SPINDOC: variants seen among roughly 807,000 people sequenced by gnomAD.
SPINDOC encodes the protein spindlin interactor and repressor of chromatin-binding protein.
In SPINDOC, 13 loss-of-function variants were observed where a neutral mutation model predicts 30.7. The observed-to-expected ratio is 0.42, with a 90% CI of 0.28 to 0.67. The LOEUF (loss-of-function observed/expected upper bound fraction) is 0.67, where lower values mean the gene tolerates loss of function less well. Among genes scored for constraint, SPINDOC ranks in the 30% least tolerant of loss-of-function variants. The pLI, the probability that SPINDOC is intolerant of heterozygous loss-of-function variation, is 0.22. For missense variants in SPINDOC, 438 were observed against 518.0 expected, an observed-to-expected ratio of 0.85 and a Z score of 1.50; for synonymous variants, 228 against 211.4, an observed-to-expected ratio of 1.08 and a Z score of -0.68.
At position 63,818,412 on chromosome 11, in the gene SPINDOC, G is replaced by C; in HGVS notation, c.607+47G>C. ...TGAGCCCCGGTGGAGGTGGGGGTTT[G>C]GGGACAGGGTGAAATACAGGCCCTG... On this transcript the variant is annotated intron_variant, in intron 3 of 5. Coordinates refer to ENST00000294244, the MANE Select transcript of SPINDOC (RefSeq NM_138471.3). The surrounding 1 kb of genome is among the most constrained non-coding windows in gnomAD (Gnocchi z 5.3). 1 of 1,609,470 alleles carries C rather than the reference G, an allele frequency of 6.2e-7. No individual in the cohort carries two copies. The highest frequency in any genetic ancestry group is 1.1e-5 in the South Asian group (1 of 91,040).
intron 5 of SPINDOC, among the ~76,000 whole-genome samples, chr11:63,819,678 G>T (rs1253960318): frequency 6.6e-6 from 1 of 151,950 alleles, no homozygotes; most frequent in Middle Eastern, 3.2e-3. Flanking sequence ...TGTATTTTTA[G>T]TAGAGACAGG....
rs1261643362 is a variant in SPINDOC at position 63,818,305 on chromosome 11, G to A, written c.547G>A (p.Asp183Asn). The A allele has an allele frequency of 1.2e-6, 2 of 1,613,970 alleles. No homozygotes were observed. Among genetic ancestry groups the A allele is most frequent in the Non-Finnish European group, 1.7e-6 (2 of 1,180,000 alleles). ...AATCGTCGTTCTCCTTGACTCTGAG[G>A]ATAACCCATCCCTCCCTAAAAGGAG... ...AEIVVLLDSE[D>N]NPSLPKRSRP... Residue 183 changes from aspartate (D) to asparagine (N), a missense_variant, in exon 3 of 6, where the codon GAT becomes AAT. Asp to Asn is a conservative substitution (Grantham distance 23). Coordinates refer to ENST00000294244, the MANE Select transcript of SPINDOC (RefSeq NM_138471.3). The surrounding 1 kb of genome is among the most constrained non-coding windows in gnomAD (Gnocchi z 5.3).
chr11:63,827,549 A>T lies in SPINDOC; in HGVS notation c.*410A>T, dbSNP rs565685709. The stretch of plus-strand genomic sequence containing the variant: ...ACCTCGGGGGACACCTCTCCTCCCC[A>T]CTTGTTCAGGCTTCTAAACCAGGAG... On this transcript the variant is annotated 3_prime_UTR_variant, in exon 6 of 6. Coordinates refer to ENST00000294244, the MANE Select transcript of SPINDOC (RefSeq NM_138471.3). 31 of 230,854 alleles carry T rather than the reference A, an allele frequency of 1.3e-4. No homozygotes were observed. The highest frequency in any genetic ancestry group is 9.0e-4 in the Admixed American group (18 of 19,900). The allele number at this position is 230,854 out of a possible 1,614,324, so 14.3% of individuals were successfully genotyped here.
Position 63,818,386 on chromosome 11 carries a change from G to A in SPINDOC, c.607+21G>A. 1 of 1,612,100 alleles carries A rather than the reference G, an allele frequency of 6.2e-7. No individual in the cohort carries two copies. The highest frequency in any genetic ancestry group is 8.5e-7 in the Non-Finnish European group (1 of 1,179,020). Reference sequence around the variant, plus strand: ...TCCTGGTTAGTCAACAGAGAAGCCAGTGAGCCCCGGTGGAGGTGGGGGTTT... The same window carrying A: ...TCCTGGTTAGTCAACAGAGAAGCCAATGAGCCCCGGTGGAGGTGGGGGTTT... On this transcript the variant is annotated intron_variant, in intron 3 of 5. Coordinates refer to ENST00000294244, the MANE Select transcript of SPINDOC (RefSeq NM_138471.3). The surrounding 1 kb of genome is among the most constrained non-coding windows in gnomAD (Gnocchi z 5.3).
intron 5 of SPINDOC, among the ~76,000 whole-genome samples, chr11:63,825,166 T>G (rs1040749112): frequency 6.6e-6 from 1 of 152,184 alleles, no homozygotes; most frequent in Non-Finnish European, 1.5e-5. Flanking sequence ...TCATGGCCTT[T>G]CTGTGCTGCT....
intron 5 of SPINDOC, among the ~76,000 whole-genome samples, chr11:63,819,267 G>GTA (rs943694695): frequency 2.5e-4 from 38 of 152,336 alleles, no homozygotes; most frequent in Non-Finnish European, 4.9e-4. Context: ...CTGGCATGTA[G>GTA]TAGCACAAGC....
chr11:63,819,304 A>T (rs1375315469), intron 5 of SPINDOC, among the ~76,000 whole-genome samples: 1 of 152,170 alleles, frequency 6.6e-6, no homozygotes, highest in East Asian at 1.9e-4. Flanking sequence ...TCTGCCTCCC[A>T]GGTTCAAGCA....
intron 5 of SPINDOC, among the ~76,000 whole-genome samples, chr11:63,826,688 G>A (rs572127763): frequency 6.6e-6 from 1 of 152,288 alleles, no homozygotes; most frequent in South Asian, 2.1e-4. Context: ...AGGCTGCCTG[G>A]CTTCAGCTGG....
chr11:63,822,800 A>C lies in SPINDOC; in HGVS notation c.934+3798A>C, dbSNP rs777640961. On this transcript the variant is annotated intron_variant, in intron 5 of 5. Coordinates refer to ENST00000294244, the MANE Select transcript of SPINDOC (RefSeq NM_138471.3). ...ATTTCATTCTCGAAAGGGAGCCCTC[A>C]TTTCAAGTCCTGGGGTACCCTGTGC... 15 of 1,289,000 alleles carry C rather than the reference A, an allele frequency of 1.2e-5. No individual in the cohort carries two copies. In the South Asian group the frequency reaches 1.9e-4, roughly 16 times the overall value. 79.8% of individuals were successfully genotyped at this position (1,289,000 alleles called of 1,614,324 possible).
At position 63,818,884 on chromosome 11, in the gene SPINDOC, C is replaced by T. The variant is rs370050900; in HGVS notation, c.816C>T (p.Ala272=). 9.9e-6 allele frequency: 16 copies of T among 1,614,034 alleles called. No homozygotes were observed. Among genetic ancestry groups the T allele is most frequent in the Admixed American group, 3.3e-5 (2 of 60,008 alleles). The part of the protein sequence containing the change: ...VRHFTDGSFP[A]GFVLQLFSHT... ...ACTTCACTGACGGCAGCTTCCCCGC[C>T]GGCTTCGTCTTGCAGCTCTTCTCCC... Residue 272 remains alanine, a synonymous_variant, in exon 5 of 6, where the codon GCC becomes GCT. Coordinates refer to ENST00000294244, the MANE Select transcript of SPINDOC (RefSeq NM_138471.3). This position sits in a 1 kb window ranked among gnomAD's most constrained non-coding sequence, Gnocchi z 5.3.
rs747455786 is a variant in SPINDOC, at chr11:63,818,526, G to A, written c.608-1G>A. The A allele has an allele frequency of 6.2e-7, 1 of 1,610,984 alleles. No individual in the cohort carries two copies. Among genetic ancestry groups the A allele is most frequent in the Non-Finnish European group, 8.5e-7 (1 of 1,179,794 alleles). On this transcript the variant is annotated splice_acceptor_variant, in intron 3 of 5. Coordinates refer to ENST00000294244, the MANE Select transcript of SPINDOC (RefSeq NM_138471.3). LOFTEE classifies it high-confidence loss of function. This position sits in a 1 kb window ranked among gnomAD's most constrained non-coding sequence, Gnocchi z 5.3. The stretch of plus-strand genomic sequence containing the variant: ...GGGTATGAGGTCTTTTCTTTTTGCA[G>A]CTGTCCCTGCCACAGAGCCAGGAAA...
chr11:63,822,560 G>C (rs2015555013), intron 5 of SPINDOC: 15 of 1,263,488 alleles, frequency 1.2e-5, no homozygotes, highest in Non-Finnish European at 1.6e-5. Flanking sequence ...GCCTAAATTT[G>C]AGCCCCCCGT....
intron 5 of SPINDOC, chr11:63,822,846 G>C (rs2015564589): frequency 7.8e-7 from 1 of 1,289,114 alleles, no homozygotes. Flanking sequence ...TCTATCTGGA[G>C]TGGTGAGTAG....
chr11:63,824,009 G>T (rs2015594268), intron 5 of SPINDOC, among the ~76,000 whole-genome samples: 1 of 151,886 alleles, frequency 6.6e-6, no homozygotes, highest in Non-Finnish European at 1.5e-5. Flanking sequence ...CCAAGTTCAA[G>T]CGATTCTCCT....
intron 1 of SPINDOC, among the ~76,000 whole-genome samples, chr11:63,815,129 C>A (rs939591465): frequency 6.6e-6 from 1 of 152,134 alleles, no homozygotes; most frequent in Non-Finnish European, 1.5e-5. Context: ...ATCACTAAAG[C>A]AGGAAAAGGA....
rs1280243890 is a variant in SPINDOC at position 63,817,674 on chromosome 11, GGAA to G, written c.128-124_128-122del. The G allele has an allele frequency of 3.7e-5, 31 of 829,074 alleles. No homozygotes were observed. In the Admixed American group the frequency reaches 3.8e-4, roughly 10 times the overall value. 51.4% of individuals were successfully genotyped at this position (829,074 alleles called of 1,614,324 possible). Reference sequence around the variant, plus strand: ...GTGTGCCTCATGGGCTCCAGGGGAAGGAAGAAGAACACTTTGGCCAGAAATGCT... The same window carrying G: ...GTGTGCCTCATGGGCTCCAGGGGAAGGAAGAACACTTTGGCCAGAAATGCT... On this transcript the variant is annotated intron_variant, in intron 1 of 5. Transcript: ENST00000294244.
intron 1 of SPINDOC, 87 bp downstream of exon 1, chr11:63,813,900 G>A: frequency 7.2e-7 from 1 of 1,393,008 alleles, no homozygotes; most frequent in East Asian, 2.8e-5. Flanking sequence ...CGGGACCCGG[G>A]CACCTTCTCA....
intron 1 of SPINDOC, among the ~76,000 whole-genome samples, chr11:63,814,113 C>T (rs1345217814): frequency 6.6e-6 from 1 of 152,232 alleles, no homozygotes; most frequent in Non-Finnish European, 1.5e-5. Flanking sequence ...CTCTCCCGGG[C>T]CCAGCACCAG....
At position 63,818,012 on chromosome 11, in the gene SPINDOC, A is replaced by G; in HGVS notation, c.335A>G (p.Glu112Gly). The change falls in exon 2 of 6, where the codon GAG (glutamate) becomes GGG (glycine). Residue 112 changes from glutamate to glycine, a missense_variant. Physicochemically the swap from Glu to Gly is moderately conservative, Grantham distance 98. Coordinates refer to ENST00000294244, the MANE Select transcript of SPINDOC (RefSeq NM_138471.3). The surrounding 1 kb of genome is among the most constrained non-coding windows in gnomAD (Gnocchi z 5.3). The stretch of plus-strand genomic sequence containing the variant: ...GACACAGCTCGCTCGCACATCTTGG[A>G]GCAGCACCCTCACACCTTGGACCTG... ...SADTARSHIL[E>G]QHPHTLDLSP... 2.5e-6 allele frequency: 4 copies of G among 1,614,134 alleles called. No individual in the cohort carries two copies. Among genetic ancestry groups the G allele is most frequent in the Non-Finnish European group, 3.4e-6 (4 of 1,180,026 alleles).
Sources: gnomAD v4.1 joint callset for allele counts (sites outside exome capture counted in the v4.1 genomes callset) on GRCh38, gnomAD v4.1.1 for gene constraint, Gnocchi (gnomAD v3.1) non-coding constraint, MANE v1.5 for transcripts, NCBI Gene and HGNC (gene_info 2026-07-23, HGNC 2026-07-21) for gene names.